SMARCA2: variants seen among roughly 807,000 people sequenced by gnomAD.
SMARCA2 encodes SWI/SNF-related matrix-associated actin-dependent regulator of chromatin subfamily A member 2.
Under a neutral mutation model 199.8 loss-of-function variants are expected in SMARCA2, and 61 were observed. That is an observed-to-expected ratio of 0.31 (90% CI 0.25 to 0.38). The LOEUF (loss-of-function observed/expected upper bound fraction) is 0.38. Ranked by LOEUF, SMARCA2 falls within the 10% of genes least tolerant of loss-of-function variation. The pLI is 1.00. For synonymous variants in SMARCA2, 935 were observed against 732.0 expected (o/e 1.28, Z -4.48); for missense variants, 1,344 against 2,012.2 (o/e 0.67, Z 6.35).
intron 1 of SMARCA2, among the ~76,000 whole-genome samples, chr9:2,020,149 T>G (rs995519920): frequency 3.3e-5 from 5 of 152,234 alleles, no homozygotes; most frequent in Non-Finnish European, 5.9e-5. Flanking sequence ...ATTTCTTTTC[T>G]GCTGTATTTC....
chr9:2,025,632 G>C (rs925595082), intron 1 of SMARCA2, among the ~76,000 whole-genome samples: 3 of 152,068 alleles, frequency 2.0e-5, no homozygotes, highest in Non-Finnish European at 4.4e-5. Flanking sequence ...ATACTGGCAG[G>C]GCTGGTGAGG....
chr9:2,148,864 G>A (rs1824898395), intron 27 of SMARCA2, among the ~76,000 whole-genome samples: 1 of 151,332 alleles, frequency 6.6e-6, no homozygotes, highest in South Asian at 2.1e-4. Flanking sequence ...TGTCTCTCCT[G>A]CGCAAATCCT....
rs775986079 is a variant in SMARCA2, at chr9:2,029,161, A to G, written c.139A>G (p.Ser47Gly). The change falls in exon 2 of 34, where the codon AGT (serine) becomes GGT (glycine). Residue 47 changes from serine to glycine, a missense_variant. Ser to Gly is a moderately conservative substitution (Grantham distance 56, BLOSUM62 0). Coordinates refer to ENST00000349721, the MANE Select transcript of SMARCA2 (RefSeq NM_003070.5). ...PGSVHSMMGP[S>G]PGPPSVSHPM... ...TTCCGTCCACAGCATGATGGGGCCAAGTCCTGGACCTCCAAGTGTCTCCCA... is the reference window on the plus strand; with the variant it reads ...TTCCGTCCACAGCATGATGGGGCCAGGTCCTGGACCTCCAAGTGTCTCCCA... The G allele has an allele frequency of 2.5e-6, 4 of 1,613,236 alleles. No homozygotes were observed. In the South Asian group the frequency reaches 4.4e-5, roughly 18 times the overall value.
intron 27 of SMARCA2, among the ~76,000 whole-genome samples, chr9:2,155,790 C>G (rs959639051): frequency 5.4e-5 from 6 of 110,634 alleles, no homozygotes; most frequent in African/African-American, 2.0e-4. Flanking sequence ...GATCAGTAAA[C>G]TGGAAAACCC....
chr9:2,160,060 C>G (rs2130749444), intron 27 of SMARCA2: 1 of 943,858 alleles, frequency 1.1e-6, no homozygotes, highest in African/African-American at 1.6e-5. Context: ...CTGTTGACAG[C>G]CTTGCATGCT....
chr9:2,159,612 A>G (rs1405430051), intron 27 of SMARCA2: 1 of 523,200 alleles, frequency 1.9e-6, no homozygotes, highest in African/African-American at 1.9e-5. Flanking sequence ...GCTGCCTGGA[A>G]TAATAAGGGG....
At chr9:2,130,030 G>C (rs992990090) in intron 27 of SMARCA2, among the ~76,000 whole-genome samples, 1 of 151,972 alleles carries the variant, frequency 6.6e-6, no homozygotes. Flanking sequence ...ATTATTGTAC[G>C]TTTTGTAGAG....
intron 12 of SMARCA2, 48 bp downstream of exon 12, chr9:2,073,671 A>G: frequency 7.1e-7 from 1 of 1,412,910 alleles, no homozygotes; most frequent in South Asian, 1.2e-5. Context: ...AAGTTATCAG[A>G]GGAAGAAATT....
intron 29 of SMARCA2, among the ~76,000 whole-genome samples, chr9:2,173,213 T>C (rs1826351477): frequency 6.6e-6 from 1 of 152,210 alleles, no homozygotes; most frequent in South Asian, 2.1e-4. Context: ...CATGTGCATG[T>C]ATGTAGTTAC....
chr9:2,121,432 C>T (rs1486663575), intron 26 of SMARCA2, among the ~76,000 whole-genome samples: 1 of 152,190 alleles, frequency 6.6e-6, no homozygotes, highest in African/African-American at 2.4e-5. Context: ...GGTTTAGTTT[C>T]TTCTAATCCA....
chr9:2,105,119 T>G (rs1822694579), intron 23 of SMARCA2, among the ~76,000 whole-genome samples: 2 of 152,216 alleles, frequency 1.3e-5, no homozygotes, highest in African/African-American at 4.8e-5. Context: ...GATACCAAAC[T>G]CAGACTTGCC....
intron 27 of SMARCA2, among the ~76,000 whole-genome samples, chr9:2,137,519 GT>G (rs1224543215): frequency 1.3e-5 from 2 of 152,078 alleles, no homozygotes; most frequent in Non-Finnish European, 2.9e-5. Flanking sequence ...TCATGTGGCT[GT>G]CTCCTCCTTG....
intron 27 of SMARCA2, among the ~76,000 whole-genome samples, chr9:2,150,550 G>A (rs1341139989): frequency 6.6e-6 from 1 of 151,652 alleles, no homozygotes; most frequent in Non-Finnish European, 1.5e-5. Context: ...GATAAAGCCT[G>A]CCATCGTTTA....
chr9:2,030,407 A>G (rs1396878957), intron 2 of SMARCA2, among the ~76,000 whole-genome samples: 2 of 152,178 alleles, frequency 1.3e-5, no homozygotes, highest in African/African-American at 4.8e-5. Flanking sequence ...CAGGAGAACC[A>G]GGAGAACTGA....
intron 5 of SMARCA2, among the ~76,000 whole-genome samples, chr9:2,051,666 T>G (rs1820124665): frequency 1.3e-5 from 2 of 152,366 alleles, no homozygotes; most frequent in South Asian, 4.1e-4. Context: ...AGGGATAGTT[T>G]GAGTTCTAGG....
chr9:2,079,063 G>A (rs1380945450), intron 14 of SMARCA2, among the ~76,000 whole-genome samples: 3 of 152,074 alleles, frequency 2.0e-5, no homozygotes, highest in South Asian at 2.1e-4. Context: ...ACTTGTGAAC[G>A]TGAGTCGAGG....
At chr9:2,163,705 C>T (rs1181521636) in intron 28 of SMARCA2, among the ~76,000 whole-genome samples, 1 of 152,090 alleles carries the variant, frequency 6.6e-6, no homozygotes, top group African/African-American at 2.4e-5. Flanking sequence ...GTGTGACAGG[C>T]ATTTTGTTCA....
Position 2,097,390 on chromosome 9 carries a change from A to G in SMARCA2, c.2997A>G (p.Lys999=). The part of the protein sequence containing the change: ...TDGSEKDKKG[K]GGAKTLMNTI... Reference sequence around the variant, plus strand: ...CCCTTTCCACTGGTTCTTAGGGGAAAGGAGGTGCTAAGACACTTATGAACA... The same window carrying G: ...CCCTTTCCACTGGTTCTTAGGGGAAGGGAGGTGCTAAGACACTTATGAACA... The change falls in exon 21 of 34, where the codon AAA becomes AAG. Residue 999 remains lysine (K), a synonymous_variant. Coordinates refer to ENST00000349721, the MANE Select transcript of SMARCA2 (RefSeq NM_003070.5). The G allele has an allele frequency of 6.2e-7, 1 of 1,603,566 alleles. No homozygotes were observed. Among genetic ancestry groups the G allele is most frequent in the East Asian group, 2.2e-5 (1 of 44,806 alleles).
chr9:2,021,340 A>C (rs572899707), intron 1 of SMARCA2, among the ~76,000 whole-genome samples: 1 of 152,364 alleles, frequency 6.6e-6, no homozygotes, highest in Admixed American at 6.5e-5. Context: ...TTGGAATTCA[A>C]AATTACTTAA....
Sources: allele counts gnomAD v4.1 joint callset (sites outside exome capture counted in the v4.1 genomes callset), GRCh38; gene constraint gnomAD v4.1.1; transcripts MANE v1.5; gene names NCBI Gene and HGNC (gene_info 2026-07-23, HGNC 2026-07-21).